The following CTNNA2 variants were observed in gnomAD, a reference collection of about 807,000 sequenced individuals.
The protein encoded by CTNNA2 is catenin alpha 2.
In CTNNA2, 42 loss-of-function variants were observed where a neutral mutation model predicts 101.0. The ratio of observed to expected loss-of-function variants is 0.42; its 90% CI spans 0.32 to 0.54. The LOEUF (loss-of-function observed/expected upper bound fraction) is 0.54, where lower values mean the gene tolerates loss of function less well. CTNNA2 is among the 20% of genes least tolerant of loss of function. CTNNA2 has a pLI of 0.14. For missense variants in CTNNA2, 871 were observed against 1,223.1 expected, an observed-to-expected ratio of 0.71 and a Z score of 4.29; for synonymous variants, 450 against 456.4, an observed-to-expected ratio of 0.99 and a Z score of 0.18.
chr2:80,036,670 G>A (rs1018995160), intron 7 of CTNNA2, among the ~76,000 whole-genome samples: 2 of 152,148 alleles, frequency 1.3e-5, no homozygotes, highest in African/African-American at 4.8e-5. Flanking sequence ...CATGAGCTGG[G>A]AGACTATGTT....
At chr2:80,048,284 T>G (rs1315388347) in intron 7 of CTNNA2, among the ~76,000 whole-genome samples, 1 of 152,184 alleles carries the variant, frequency 6.6e-6, no homozygotes, top group African/African-American at 2.4e-5. Flanking sequence ...TTGAGAGACA[T>G]GTATATTATT....
intron 2 of CTNNA2, among the ~76,000 whole-genome samples, chr2:79,261,112 C>G (rs935611266): frequency 6.6e-6 from 1 of 152,140 alleles, no homozygotes; most frequent in African/African-American, 2.4e-5. Flanking sequence ...TTAACATAAT[C>G]TGCTCTATCT....
intron 7 of CTNNA2, among the ~76,000 whole-genome samples, chr2:80,373,682 T>C (rs1441590461): frequency 6.6e-6 from 1 of 152,198 alleles, no homozygotes; most frequent in Non-Finnish European, 1.5e-5. Flanking sequence ...CAATTTCTAA[T>C]AAGAGATGTA....
At chr2:79,550,120 T>C (rs1485987553) in intron 1 of CTNNA2, among the ~76,000 whole-genome samples, 2 of 152,184 alleles carry the variant, frequency 1.3e-5, no homozygotes, top group Non-Finnish European at 2.9e-5. Flanking sequence ...TTCAGTTCCC[T>C]GGATATCAAT....
chr2:79,216,754 A>C (rs1309912341), intron 2 of CTNNA2, among the ~76,000 whole-genome samples: 1 of 144,002 alleles, frequency 6.9e-6, no homozygotes, highest in African/African-American at 2.6e-5. Context: ...AGGGTGAAGA[A>C]GGGGTTGGGG....
chr2:79,373,508 A>T (rs973488099), intron 3 of CTNNA2, among the ~76,000 whole-genome samples: 10 of 152,306 alleles, frequency 6.6e-5, no homozygotes, highest in Non-Finnish European at 1.0e-4. Flanking sequence ...TGCCATCATT[A>T]TCAGCTTGCA....
At chr2:79,220,524 T>G in intron 2 of CTNNA2, among the ~76,000 whole-genome samples, 1 of 148,224 alleles carries the variant, frequency 6.7e-6, no homozygotes, top group Non-Finnish European at 1.5e-5. Context: ...GCCACAGGAG[T>G]GCATGTTGTG....
chr2:79,669,478 G>T (rs555283623), intron 2 of CTNNA2, among the ~76,000 whole-genome samples: 6 of 152,164 alleles, frequency 3.9e-5, no homozygotes, highest in Non-Finnish European at 8.8e-5. Flanking sequence ...AATGAGGTGC[G>T]CAGACAATTG....
intron 3 of CTNNA2, among the ~76,000 whole-genome samples, chr2:79,748,749 A>G (rs909496861): frequency 2.0e-5 from 3 of 152,052 alleles, no homozygotes; most frequent in African/African-American, 4.8e-5. Context: ...ATATATATAT[A>G]TATATCTTTT....
intron 7 of CTNNA2, among the ~76,000 whole-genome samples, chr2:80,233,452 C>T (rs900659321): frequency 1.3e-5 from 2 of 152,158 alleles, no homozygotes; most frequent in African/African-American, 4.8e-5. Flanking sequence ...TCCATCTTAT[C>T]TCAATTGCAG....
At chr2:79,486,391 A>C (rs576058276) in intron 4 of CTNNA2, among the ~76,000 whole-genome samples, 8 of 152,094 alleles carry the variant, frequency 5.3e-5, no homozygotes, top group African/African-American at 1.9e-4. Flanking sequence ...ATGTCCCTAC[A>C]AAGGACATGA....
chr2:80,001,537 T>A (rs1348936780), intron 7 of CTNNA2, among the ~76,000 whole-genome samples: 1 of 152,218 alleles, frequency 6.6e-6, no homozygotes, highest in African/African-American at 2.4e-5. Flanking sequence ...AAATGGAGGC[T>A]GAACATTTAA....
At chr2:79,466,704 A>G (rs1327058793) in intron 4 of CTNNA2, among the ~76,000 whole-genome samples, 4 of 152,222 alleles carry the variant, frequency 2.6e-5, no homozygotes. Flanking sequence ...TCAGGCAGCA[A>G]CATTTGCTGT....
In CTNNA2 at chr2:80,124,321, C is replaced by A. The variant is rs532899686; in HGVS notation, c.1056+214524C>A. Among the ~76,000 whole-genome samples the A allele has an allele frequency of 3.9e-5, 6 of 152,112 alleles. No individual in the cohort carries two copies. The South Asian group carries it at 1.2e-3, about 32-fold the overall frequency. ...TGCCATCTTTGACTCAGAACCATAC[C>A]CTTGGGACTGGATTAAGTGCTTACA... On this transcript the variant is annotated intron_variant, in intron 7 of 18. Coordinates refer to ENST00000402739, the MANE Select transcript of CTNNA2 (RefSeq NM_001282597.3).
chr2:80,302,157 G>A lies in CTNNA2; in HGVS notation c.1057-91054G>A, dbSNP rs1487337976. The A allele has an allele frequency of 2.7e-6, 4 of 1,472,446 alleles. No individual in the cohort carries two copies. The highest frequency in any genetic ancestry group is 1.4e-5 in the African/African-American group (1 of 71,224). 91.2% of individuals were successfully genotyped at this position (1,472,446 alleles called of 1,614,324 possible). A position where few individuals can be genotyped will look rare whatever the true frequency, so the allele number is the denominator to read the frequency against. Reference sequence around the variant, plus strand: ...AGTTTCAGTCAAGGAGCATATCAGAGCACAGACAAGGAGACCCCAGCCTGG... The same window carrying A: ...AGTTTCAGTCAAGGAGCATATCAGAACACAGACAAGGAGACCCCAGCCTGG... On this transcript the variant is annotated intron_variant, in intron 7 of 18. Coordinates refer to ENST00000402739, the MANE Select transcript of CTNNA2 (RefSeq NM_001282597.3). This position sits in a 1 kb window ranked among gnomAD's most constrained non-coding sequence, Gnocchi z 6.4.
At chr2:80,056,959 A>G (rs1697252475) in intron 7 of CTNNA2, among the ~76,000 whole-genome samples, 1 of 152,172 alleles carries the variant, frequency 6.6e-6, no homozygotes, top group South Asian at 2.1e-4. Flanking sequence ...GAGCATAGAA[A>G]AGGTTCCTCT....
chr2:79,622,597 C>A (rs1463469300), intron 1 of CTNNA2, among the ~76,000 whole-genome samples: 2 of 152,204 alleles, frequency 1.3e-5, no homozygotes, highest in East Asian at 1.9e-4. Flanking sequence ...TGCTTGATAA[C>A]CCCACTTCAC....
intron 7 of CTNNA2, among the ~76,000 whole-genome samples, chr2:80,015,919 T>C (rs1694109916): frequency 6.6e-6 from 1 of 152,198 alleles, no homozygotes; most frequent in African/African-American, 2.4e-5. Context: ...ATCTGCAGAC[T>C]TGATGATCAG....
Position 80,287,134 on chromosome 2 carries a change from G to A in CTNNA2, c.1057-106077G>A, listed in dbSNP as rs115277450. Among the ~76,000 whole-genome samples the A allele has an allele frequency of 1.6e-3, 246 of 152,242 alleles. 1 individual carries two copies. The highest frequency in any genetic ancestry group is 4.4e-3 in the African/African-American group (183 of 41,556). On this transcript the variant is annotated intron_variant, in intron 7 of 18. Transcript: ENST00000402739. Reference sequence around the variant, plus strand: ...GGGAGGACCATGGTGAGCTGAGGGCGTCAAGAAAAGCCTCATAGCTGTCTT... The same window carrying A: ...GGGAGGACCATGGTGAGCTGAGGGCATCAAGAAAAGCCTCATAGCTGTCTT...
Sources: allele counts gnomAD v4.1 joint callset (sites outside exome capture counted in the v4.1 genomes callset), GRCh38; gene constraint gnomAD v4.1.1; non-coding constraint Gnocchi (gnomAD v3.1); transcripts MANE v1.5; gene names NCBI Gene and HGNC (gene_info 2026-07-23, HGNC 2026-07-21).